The following EIF3I variants were observed in gnomAD, a reference collection of about 807,000 sequenced individuals.
EIF3I encodes TGF-beta receptor-interacting protein 1.
Under a neutral mutation model 43.3 loss-of-function variants are expected in EIF3I, and 20 were observed. That is an observed-to-expected ratio of 0.46 (90% CI 0.32 to 0.67). EIF3I has a LOEUF of 0.67. Among genes scored for constraint, EIF3I ranks in the 30% least tolerant of loss-of-function variants. The pLI, the probability that EIF3I is intolerant of heterozygous loss-of-function variation, is 0.03. For missense variants in EIF3I, 279 were observed against 421.4 expected (o/e 0.66, Z 2.96); for synonymous variants, 167 against 151.7 (o/e 1.10, Z -0.74).
Position 32,224,027 on chromosome 1 carries a change from T to C in EIF3I, c.97-7T>C. The C allele has an allele frequency of 6.2e-7, 1 of 1,614,136 alleles. No homozygotes were observed. Among genetic ancestry groups the C allele is most frequent in the African/African-American group, 1.3e-5 (1 of 75,052 alleles). On this transcript the variant is annotated splice_polypyrimidine_tract_variant and splice_region_variant and intron_variant, in intron 2 of 11. Coordinates refer to ENST00000676679, the Ensembl canonical transcript of EIF3I. ...ATGTGTACTATCCTGTGGTTTGACT[T>C]TTCCAGATCGTCAATGTATGGTACT...
chr1:32,233,422 G>A (rs1213255364), downstream of EIF3I, among the ~76,000 whole-genome samples: 1 of 152,120 alleles, frequency 6.6e-6, no homozygotes, highest in East Asian at 1.9e-4. Context: ...CCAAAGTGCT[G>A]GGATTACAGG....
downstream of EIF3I, among the ~76,000 whole-genome samples, chr1:32,235,480 G>A (rs1266616664): frequency 2.0e-5 from 3 of 152,024 alleles, no homozygotes; most frequent in East Asian, 1.9e-4. Context: ...ACAGGCGACC[G>A]CCACCACACC....
rs200407577 is a variant in EIF3I at position 32,222,433 on chromosome 1, A to G, written c.-9A>G. On this transcript the variant is annotated 5_prime_UTR_variant, in exon 1 of 12. Coordinates refer to ENST00000676679, the Ensembl canonical transcript of EIF3I. ...CTCACGTTGCGGCCTTCCTCGCGTCACAGCCGGGATGGTGAGTTTCAGAGT... is the reference window on the plus strand; with the variant it reads ...CTCACGTTGCGGCCTTCCTCGCGTCGCAGCCGGGATGGTGAGTTTCAGAGT... 7.3e-5 allele frequency: 116 copies of G among 1,597,424 alleles called. No homozygotes were observed. The African/African-American group carries it at 1.4e-3, about 20-fold the overall frequency.
downstream of EIF3I, among the ~76,000 whole-genome samples, chr1:32,232,490 T>C (rs1424302172): frequency 2.0e-5 from 3 of 152,152 alleles, no homozygotes; most frequent in Non-Finnish European, 4.4e-5. Flanking sequence ...AGACCTAGCA[T>C]ACCCACTGTG....
chr1:32,232,206 G>A (rs550835712), downstream of EIF3I: 2 of 152,350 alleles, frequency 1.3e-5, no homozygotes, highest in African/African-American at 4.8e-5. Flanking sequence ...CAGGGAGTGA[G>A]TTTCCAGCCC....
intron 6 of EIF3I, among the ~76,000 whole-genome samples, chr1:32,227,847 G>C (rs1018993197): frequency 6.6e-6 from 1 of 152,180 alleles, no homozygotes; most frequent in Non-Finnish European, 1.5e-5. Context: ...ATAATGCTGA[G>C]TATAATGCTG....
At chr1:32,222,708 G>C in intron 2 of EIF3I, 78 bp downstream of exon 2, 1 of 1,454,140 alleles carries the variant, frequency 6.9e-7, no homozygotes, top group Non-Finnish European at 9.6e-7. Flanking sequence ...CAGTTTTGCC[G>C]TTAGCGGGGA....
chr1:32,231,466 G>T, downstream of EIF3I: 1 of 283,036 alleles, frequency 3.5e-6, no homozygotes, highest in Non-Finnish European at 6.6e-6. Flanking sequence ...ACTCCATCCT[G>T]AGCCACAAGA....
rs1639184133 is a variant in EIF3I at position 32,228,495 on chromosome 1, C to T, written c.529-4C>T. Reference sequence around the variant, plus strand: ...ATTCAGTGTCACTCTTCTTCCTTCCCTAGTCTGGAGAGGTGTTGGTGAATG... The same window carrying T: ...ATTCAGTGTCACTCTTCTTCCTTCCTTAGTCTGGAGAGGTGTTGGTGAATG... On this transcript the variant is annotated splice_polypyrimidine_tract_variant and splice_region_variant and intron_variant, in intron 6 of 11. Transcript: ENST00000676679. 2 of 1,613,174 alleles carry T rather than the reference C, an allele frequency of 1.2e-6. No homozygotes were observed. Among genetic ancestry groups the T allele is most frequent in the African/African-American group, 1.3e-5 (1 of 74,886 alleles).
At chr1:32,234,813 G>T (rs41264001), downstream of EIF3I, 1,064 of 152,408 alleles carry the variant, frequency 7.0e-3, 4 homozygotes, top group Non-Finnish European at 0.013. Flanking sequence ...TGCTGTCTGT[G>T]CCTTCAGCCC....
chr1:32,228,737 C>T, exon 8 of EIF3I: 1 of 1,614,070 alleles, frequency 6.2e-7, no homozygotes, highest in Non-Finnish European at 8.5e-7. Context: ...CTTTTTGACT[C>T]CACAACTCTT....
chr1:32,234,602 G>A (rs41263999), downstream of EIF3I: 1,782 of 153,184 alleles, frequency 0.012, 20 homozygotes, highest in Non-Finnish European at 0.016. Flanking sequence ...TGGGCACAGC[G>A]CAGCTGGAAG....
intron 2 of EIF3I, 38 bp downstream of exon 2, chr1:32,222,668 T>TGGACCCGC (rs1169137045): frequency 6.3e-7 from 1 of 1,596,168 alleles, no homozygotes; most frequent in Non-Finnish European, 8.6e-7. Flanking sequence ...AGGGGCGGGA[T>TGGACCCGC]CCTTCTGCCA....
chr1:32,228,779 C>T (rs900340510), exon 8 of EIF3I: 2 of 1,614,160 alleles, frequency 1.2e-6, no homozygotes, highest in African/African-American at 2.7e-5. Flanking sequence ...ACAGAACGTC[C>T]TGTCAACTCA....
chr1:32,229,828 G>C (rs1289437142), intron 9 of EIF3I, among the ~76,000 whole-genome samples: 1 of 152,146 alleles, frequency 6.6e-6, no homozygotes, highest in African/African-American at 2.4e-5. Flanking sequence ...TGGGATTACA[G>C]GCATGAGCCA....
chr1:32,226,824 C>CCTT (rs1557555148), intron 6 of EIF3I, among the ~76,000 whole-genome samples: 8 of 78,632 alleles, frequency 1.0e-4, no homozygotes, highest in African/African-American at 3.8e-4. Context: ...CCGCTCGTGG[C>CCTT]TTTTTTTTTT....
downstream of EIF3I, chr1:32,234,208 G>A (rs1006095739): frequency 2.0e-5 from 3 of 150,242 alleles, no homozygotes; most frequent in Non-Finnish European, 2.9e-5. Context: ...TGAGGCTGGA[G>A]AATAGCTTGA....
intron 11 of EIF3I, 35 bp downstream of exon 10, chr1:32,231,054 G>A: frequency 1.2e-6 from 2 of 1,613,686 alleles, no homozygotes. Context: ...CCTAAGCCTG[G>A]GTTGGGTCTC....
chr1:32,233,886 T>C (rs1294196630), downstream of EIF3I: 2 of 152,138 alleles, frequency 1.3e-5, no homozygotes, highest in Non-Finnish European at 2.9e-5. Flanking sequence ...TTGGACCTAT[T>C]TATCTCTGGG....
Sources: gnomAD v4.1 joint callset for allele counts (sites outside exome capture counted in the v4.1 genomes callset) on GRCh38, gnomAD v4.1.1 for gene constraint, MANE v1.5 for transcripts, NCBI Gene and HGNC (gene_info 2026-07-23, HGNC 2026-07-21) for gene names.